Variants in EML4 observed in about 807,000 individuals in gnomAD.
The protein encoded by EML4 is echinoderm microtubule-associated protein-like 4.
Under a neutral mutation model 129.0 loss-of-function variants are expected in EML4, and 72 were observed. The ratio of observed to expected loss-of-function variants is 0.56; its 90% confidence interval spans 0.46 to 0.68. EML4 has a LOEUF of 0.68. Among genes scored for constraint, EML4 ranks in the 30% least tolerant of loss-of-function variants. The pLI is 0.00. For synonymous variants in EML4, 532 were observed against 405.0 expected (o/e 1.31, Z -3.77); for missense variants, 1,363 against 1,190.6 (o/e 1.14, Z -2.13).
intron 6 of EML4, among the ~76,000 whole-genome samples, chr2:42,266,654 T>C (rs2104407673): frequency 6.6e-6 from 1 of 152,002 alleles, no homozygotes; most frequent in African/African-American, 2.4e-5. Flanking sequence ...CGAAAACTTT[T>C]TTTTTTTTTT....
rs201243096 is a variant in EML4 at position 42,317,562 on chromosome 2, G to A, written c.2154+38G>A. 3,968 of 1,449,498 alleles carry A rather than the reference G, an allele frequency of 2.7e-3. 17 individuals carry two copies. The highest frequency in any genetic ancestry group is 3.5e-3 in the Non-Finnish European group (3,654 of 1,049,910). The allele number at this position is 1,449,498 out of a possible 1,614,324, so 89.8% of individuals were successfully genotyped here. On this transcript the variant is annotated intron_variant, in intron 19 of 22. Coordinates refer to ENST00000318522, the MANE Select transcript of EML4 (RefSeq NM_019063.5). ...GTAGAACAAGTTGTAAAATTATTGG[G>A]AAATTTTACTTCCGTTAAAAACAAA...
intron 19 of EML4, among the ~76,000 whole-genome samples, chr2:42,318,693 A>T (rs76948714): frequency 8.6e-5 from 13 of 151,672 alleles, no homozygotes; most frequent in African/African-American, 2.9e-4. Flanking sequence ...CAGACCCCCA[A>T]TTTTTTTTGT....
chr2:42,184,701 A>T (rs953146753), intron 1 of EML4, among the ~76,000 whole-genome samples: 1 of 152,086 alleles, frequency 6.6e-6, no homozygotes, highest in Non-Finnish European at 1.5e-5. Flanking sequence ...TCTTTTGACC[A>T]CTTTAATCCA....
intron 1 of EML4, among the ~76,000 whole-genome samples, chr2:42,218,755 T>G (rs895112752): frequency 6.6e-6 from 1 of 152,258 alleles, no homozygotes; most frequent in Non-Finnish European, 1.5e-5. Flanking sequence ...TGCTTTACTT[T>G]GACCACAAGA....
intron 1 of EML4, among the ~76,000 whole-genome samples, chr2:42,218,149 G>T (rs548179665): frequency 2.0e-5 from 3 of 152,062 alleles, no homozygotes; most frequent in African/African-American, 7.2e-5. Context: ...TACCACCTAC[G>T]CTTTGCCTTC....
At chr2:42,210,884 C>G (rs17029328) in intron 1 of EML4, among the ~76,000 whole-genome samples, 1,571 of 152,176 alleles carry the variant, frequency 0.01, 30 homozygotes, top group African/African-American at 0.036. Flanking sequence ...TAATTTTATA[C>G]CACTCAGTAG....
chr2:42,247,937 A>G (rs1675519561), intron 2 of EML4, among the ~76,000 whole-genome samples: 1 of 152,168 alleles, frequency 6.6e-6, no homozygotes, highest in South Asian at 2.1e-4. Flanking sequence ...ATAGAAAATG[A>G]TAACGATGTT....
At chr2:42,210,708 C>G (rs551118870) in intron 1 of EML4, among the ~76,000 whole-genome samples, 42 of 152,242 alleles carry the variant, frequency 2.8e-4, no homozygotes, top group South Asian at 2.1e-3. Flanking sequence ...AGATCCAATA[C>G]TATTTTATTT....
In EML4 at chr2:42,196,498, G is replaced by T. The variant is rs192521006; in HGVS notation, c.25+26862G>T. On this transcript the variant is annotated intron_variant, in intron 1 of 22. Coordinates refer to ENST00000318522, the MANE Select transcript of EML4 (RefSeq NM_019063.5). Reference sequence around the variant, plus strand: ...CATAACATGGATCTAAGGATAAATTGAGAGTCAGCTGCAATCACCAACAAA... The same window carrying T: ...CATAACATGGATCTAAGGATAAATTTAGAGTCAGCTGCAATCACCAACAAA... Among the ~76,000 whole-genome samples, 92 of 152,274 alleles carry T rather than the reference G, an allele frequency of 6.0e-4. 1 individual carries two copies. In the East Asian group the frequency reaches 0.014, roughly 23 times the overall value.
rs372746889 is a variant in EML4, at chr2:42,186,015, CATT to C, written c.25+16383_25+16385del. 1.4e-4 allele frequency among the ~76,000 whole-genome samples: 21 copies of C among 152,120 alleles called. No individual in the cohort carries two copies. The East Asian group carries it at 3.7e-3, about 27-fold the overall frequency. ...AGTGTTCATAGTAACTCTGAAAGGT[CATT>C]ATTTTATAATACCAATTAAAAAGGC... On this transcript the variant is annotated intron_variant, in intron 1 of 22. Transcript: ENST00000318522.
At position 42,295,225 on chromosome 2, in the gene EML4, G is replaced by A. The variant is rs151199680; in HGVS notation, c.1319G>A (p.Gly440Asp). 228 of 1,613,718 alleles carry A rather than the reference G, an allele frequency of 1.4e-4. 4 individuals carry two copies. In the East Asian group the frequency reaches 4.9e-3, roughly 35 times the overall value. ...CATATTTTCTTCTGGACCTGGAGCG[G>A]CAATTCACTAACAAGAAAACAGGGA... is the stretch of plus-strand genomic sequence containing the variant. ...KSHIFFWTWSGNSLTRKQGIF... is the reference protein window; with the variant it reads ...KSHIFFWTWSDNSLTRKQGIF... The change falls in exon 12 of 23, where the codon GGC becomes GAC. Residue 440 changes from glycine (G) to aspartate (D), a missense_variant. Coordinates refer to ENST00000318522, the MANE Select transcript of EML4 (RefSeq NM_019063.5).
chr2:42,331,408 ATT>A lies in EML4; in HGVS notation c.*1208_*1209del, dbSNP rs577138437. On this transcript the variant is annotated 3_prime_UTR_variant, in exon 23 of 23. Coordinates refer to ENST00000318522, the MANE Select transcript of EML4 (RefSeq NM_019063.5). The stretch of plus-strand genomic sequence containing the variant: ...TGCATGTATTATGCATTGGAAAGGT[ATT>A]TTTTTTAAGTTCTGTTGGCTAGCTA... 3 of 223,280 alleles carry A rather than the reference ATT, an allele frequency of 1.3e-5. No homozygotes were observed. The highest frequency in any genetic ancestry group is 6.7e-5 in the African/African-American group (3 of 44,668). 13.8% of individuals were successfully genotyped at this position (223,280 alleles called of 1,614,324 possible). A position where few individuals can be genotyped will look rare whatever the true frequency, so the allele number is the denominator to read the frequency against.
intron 1 of EML4, 109 bp from the exon 2 acceptor site, chr2:42,245,396 A>C: frequency 9.2e-7 from 1 of 1,090,610 alleles, no homozygotes; most frequent in South Asian, 1.6e-5. Flanking sequence ...TCACCTAGCC[A>C]GAATTTTTCT....
intron 1 of EML4, among the ~76,000 whole-genome samples, chr2:42,230,113 C>G (rs968228473): frequency 6.6e-6 from 1 of 152,130 alleles, no homozygotes; most frequent in Non-Finnish European, 1.5e-5. Flanking sequence ...ATGCATGTCA[C>G]CAAACTAATA....
intron 5 of EML4, among the ~76,000 whole-genome samples, chr2:42,263,705 G>A (rs1254893870): frequency 2.0e-5 from 3 of 147,534 alleles, no homozygotes; most frequent in Non-Finnish European, 3.0e-5. Flanking sequence ...GCCTGGCCTT[G>A]GTTTGAATCT....
intron 1 of EML4, among the ~76,000 whole-genome samples, chr2:42,173,360 G>A (rs529848699): frequency 2.6e-5 from 4 of 152,034 alleles, no homozygotes; most frequent in African/African-American, 7.2e-5. Context: ...ATAGACTCAA[G>A]TTGTGTAACC....
intron 1 of EML4, among the ~76,000 whole-genome samples, chr2:42,231,902 T>A (rs573332055): frequency 2.2e-4 from 33 of 151,676 alleles, no homozygotes; most frequent in African/African-American, 6.1e-4. Flanking sequence ...TGAGCCAAGA[T>A]CAAGCCACTG....
intron 6 of EML4, among the ~76,000 whole-genome samples, chr2:42,275,326 G>A (rs1666596267): frequency 6.6e-6 from 1 of 152,134 alleles, no homozygotes; most frequent in Non-Finnish European, 1.5e-5. Context: ...TAGCCACATG[G>A]TAAGTGTTCA....
chr2:42,326,312 ACTTG>A, intron 21 of EML4, 60 bp downstream of exon 21: 2 of 1,130,770 alleles, frequency 1.8e-6, no homozygotes, highest in Non-Finnish European at 2.6e-6. Flanking sequence ...TATAATATTT[ACTTG>A]CTTAAATTTA....
Sources: gnomAD v4.1 joint callset for allele counts (sites outside exome capture counted in the v4.1 genomes callset) on GRCh38, gnomAD v4.1.1 for gene constraint, MANE v1.5 for transcripts, NCBI Gene and HGNC (gene_info 2026-07-23, HGNC 2026-07-21) for gene names.